Variants in MYO3B observed in about 807,000 individuals in gnomAD.
The protein encoded by MYO3B is myosin IIIB.
A neutral mutation model predicts 174.6 loss-of-function variants in MYO3B; 156 were observed. That is an observed-to-expected ratio of 0.89 (90% CI 0.78 to 1.02). MYO3B has a LOEUF of 1.02. Among genes scored for constraint, MYO3B ranks in the 50% least tolerant of loss-of-function variants. MYO3B has a pLI of 0.00. For missense variants in MYO3B, 1,632 were observed against 1,639.4 expected, an observed-to-expected ratio of 1.00 and a Z score of 0.08; for synonymous variants, 563 against 569.1, an observed-to-expected ratio of 0.99 and a Z score of 0.15.
At chr2:170,330,591 A>T (rs1213367931) in intron 7 of MYO3B, among the ~76,000 whole-genome samples, 1 of 152,236 alleles carries the variant, frequency 6.6e-6, no homozygotes, top group African/African-American at 2.4e-5. Flanking sequence ...AGCACTCAAC[A>T]TATGATGGTT....
chr2:170,440,820 T>C (rs2094794768), intron 22 of MYO3B, among the ~76,000 whole-genome samples: 1 of 147,534 alleles, frequency 6.8e-6, no homozygotes, highest in Non-Finnish European at 1.5e-5. Context: ...TTTTTTTTTT[T>C]TGAGACGGAG....
intron 7 of MYO3B, among the ~76,000 whole-genome samples, chr2:170,242,775 C>T (rs765359550): frequency 6.6e-6 from 1 of 152,152 alleles, no homozygotes; most frequent in Non-Finnish European, 1.5e-5. Flanking sequence ...TATTTTGGCA[C>T]AACTGACTGT....
chr2:170,470,187 A>G (rs960280166), intron 25 of MYO3B, among the ~76,000 whole-genome samples: 1 of 151,790 alleles, frequency 6.6e-6, no homozygotes, highest in African/African-American at 2.4e-5. Flanking sequence ...TATAAACATG[A>G]CTACCATCTA....
chr2:170,385,113 T>TG (rs528768988), intron 12 of MYO3B, among the ~76,000 whole-genome samples: 1 of 151,636 alleles, frequency 6.6e-6, no homozygotes, highest in African/African-American at 2.4e-5. Flanking sequence ...GCAGGGTGTA[T>TG]GGGGGGAGGA....
rs115083857 is a variant in MYO3B, at chr2:170,574,219, T to C, written c.3733+30231T>C. Among the ~76,000 whole-genome samples the C allele has an allele frequency of 7.7e-3, 1,169 of 152,304 alleles. 14 individuals carry two copies. Among genetic ancestry groups the C allele is most frequent in the African/African-American group, 0.027 (1,108 of 41,566 alleles). Reference sequence around the variant, plus strand: ...CCCTGAAATGTGACCATCTTGATGATATGCATGCACGGTAGGTTCTCATTA... The same window carrying C: ...CCCTGAAATGTGACCATCTTGATGACATGCATGCACGGTAGGTTCTCATTA... On this transcript the variant is annotated intron_variant, in intron 32 of 34. Transcript: ENST00000408978.
intron 32 of MYO3B, among the ~76,000 whole-genome samples, chr2:170,624,750 AATTT>A (rs1327526464): frequency 6.6e-6 from 1 of 152,128 alleles, no homozygotes; most frequent in Non-Finnish European, 1.5e-5. Flanking sequence ...ATCAATACCT[AATTT>A]ATTGAGAGTT....
rs78413594 is a variant in MYO3B at position 170,465,719 on chromosome 2, C to T, written c.2809-787C>T. 7.3e-4 allele frequency among the ~76,000 whole-genome samples: 111 copies of T among 152,294 alleles called. 2 individuals carry two copies. In the East Asian group the frequency reaches 0.02, roughly 28 times the overall value. On this transcript the variant is annotated intron_variant, in intron 24 of 34. Transcript: ENST00000408978. ...ACCAGTTTGGTGTTCTCAAAATACC[C>T]GTTCACGAGTGCTAAACCTGAAAAA...
intron 25 of MYO3B, among the ~76,000 whole-genome samples, chr2:170,489,979 A>G (rs1686352659): frequency 6.6e-6 from 1 of 150,824 alleles, no homozygotes; most frequent in Non-Finnish European, 1.5e-5. Context: ...TATTTATTTT[A>G]CATTAAAATG....
rs756444476 is a variant in MYO3B, at chr2:170,199,163, C to A, written c.3-45C>A. On this transcript the variant is annotated intron_variant, in intron 1 of 34. Coordinates refer to ENST00000408978, the MANE Select transcript of MYO3B (RefSeq NM_138995.5). ...TTTTGTTTCAAAAGTCCACTGCCCC[C>A]AGTTCTGTGATCTGTTGCACATAAC... is the stretch of plus-strand genomic sequence containing the variant. 5.2e-6 allele frequency: 7 copies of A among 1,336,184 alleles called. No individual in the cohort carries two copies. In the South Asian group the frequency reaches 1.3e-4, roughly 25 times the overall value. The allele number at this position is 1,336,184 out of a possible 1,614,324, so 82.8% of individuals were successfully genotyped here.
At chr2:170,599,027 C>G (rs976434233) in intron 32 of MYO3B, among the ~76,000 whole-genome samples, 2 of 152,160 alleles carry the variant, frequency 1.3e-5, no homozygotes, top group African/African-American at 4.8e-5. Context: ...GCAGGTCAGG[C>G]CCAGTGTGTT....
intron 6 of MYO3B, among the ~76,000 whole-genome samples, chr2:170,231,831 A>T (rs114046094): frequency 6.6e-6 from 1 of 152,234 alleles, no homozygotes; most frequent in Non-Finnish European, 1.5e-5. Flanking sequence ...CTACCCAAAG[A>T]TCACTTACTT....
intron 32 of MYO3B, among the ~76,000 whole-genome samples, chr2:170,585,485 A>G (rs1241320080): frequency 6.6e-6 from 1 of 152,162 alleles, no homozygotes; most frequent in African/African-American, 2.4e-5. Flanking sequence ...CCTGCATTGT[A>G]GAGCCTTGAG....
chr2:170,371,235 A>C (rs1043373477), intron 9 of MYO3B, among the ~76,000 whole-genome samples: 4 of 151,646 alleles, frequency 2.6e-5, no homozygotes, highest in South Asian at 2.1e-4. Context: ...AAAAAAAAAA[A>C]AAAAACCAAA....
At chr2:170,646,259 G>A (rs772598640) in intron 32 of MYO3B, among the ~76,000 whole-genome samples, 55 of 145,248 alleles carry the variant, frequency 3.8e-4, no homozygotes, top group Non-Finnish European at 5.4e-4. Context: ...CAAGAAGAGC[G>A]AAACTCTGTC....
At chr2:170,634,328 T>C (rs939567349) in intron 32 of MYO3B, among the ~76,000 whole-genome samples, 19 of 151,988 alleles carry the variant, frequency 1.3e-4, no homozygotes, top group African/African-American at 4.6e-4. Context: ...TCTACAACCA[T>C]CTGATCTTTG....
At chr2:170,488,741 T>G (rs1036090131) in intron 25 of MYO3B, among the ~76,000 whole-genome samples, 16 of 152,090 alleles carry the variant, frequency 1.1e-4, no homozygotes, top group Non-Finnish European at 1.0e-4. Context: ...TATCTATTTA[T>G]CAGTTGGAAT....
chr2:170,445,460 G>C (rs2094834326), intron 23 of MYO3B, among the ~76,000 whole-genome samples: 2 of 151,994 alleles, frequency 1.3e-5, no homozygotes, highest in Non-Finnish European at 2.9e-5. Flanking sequence ...TCCTGCCTCA[G>C]CCTCCTGAGT....
At chr2:170,626,518 G>A (rs1356977721) in intron 32 of MYO3B, among the ~76,000 whole-genome samples, 1 of 152,252 alleles carries the variant, frequency 6.6e-6, no homozygotes, top group East Asian at 1.9e-4. Flanking sequence ...TTGCCAGTCT[G>A]TGTCAATTGG....
intron 1 of MYO3B, among the ~76,000 whole-genome samples, chr2:170,197,459 C>G (rs1286077393): frequency 6.6e-6 from 1 of 152,206 alleles, no homozygotes; most frequent in Non-Finnish European, 1.5e-5. Flanking sequence ...ACTGCTTGAG[C>G]AGTGATTCTT....
Sources: allele counts gnomAD v4.1 joint callset (sites outside exome capture counted in the v4.1 genomes callset), GRCh38; gene constraint gnomAD v4.1.1; transcripts MANE v1.5; gene names NCBI Gene and HGNC (gene_info 2026-07-23, HGNC 2026-07-21).